Variants in PTPRC observed in about 807,000 individuals in gnomAD.
PTPRC encodes receptor-type tyrosine-protein phosphatase C.
A neutral mutation model predicts 155.9 loss-of-function variants in PTPRC; 44 were observed. The ratio of observed to expected loss-of-function variants is 0.28; its 90% CI spans 0.22 to 0.36. The LOEUF (loss-of-function observed/expected upper bound fraction) is 0.36. Ranked by LOEUF, PTPRC falls within the 10% of genes least tolerant of loss-of-function variation. The pLI is 1.00. For missense variants in PTPRC, 1,401 were observed against 1,564.6 expected (o/e 0.90, Z 1.76); for synonymous variants, 525 against 533.1 (o/e 0.98, Z 0.21).
At chr1:198,657,688 G>C (rs913948226) in intron 2 of PTPRC, 2 of 151,980 alleles carry the variant, frequency 1.3e-5, no homozygotes, top group Non-Finnish European at 2.9e-5. Context: ...GGAAATACCA[G>C]AAATCTGAAA....
chr1:198,656,149 C>T (rs577606403), intron 2 of PTPRC, among the ~76,000 whole-genome samples: 1 of 152,136 alleles, frequency 6.6e-6, no homozygotes, highest in African/African-American at 2.4e-5. Flanking sequence ...AAAATATATT[C>T]ACTATAAGTA....
rs1571892642 is a variant in PTPRC at position 198,748,339 on chromosome 1, G to A, written c.2938+140G>A. ...GTTGTTAATAGGGAAGAAGTTACTA[G>A]GTATTAAAATACTAGTTATTGCAAG... On this transcript the variant is annotated intron_variant, in intron 27 of 32. Transcript: ENST00000442510. 2.6e-6 allele frequency: 3 copies of A among 1,175,230 alleles called. No homozygotes were observed. The South Asian group carries it at 4.9e-5, about 19-fold the overall frequency. The allele number at this position is 1,175,230 out of a possible 1,614,324, so 72.8% of individuals were successfully genotyped here. A position where few individuals can be genotyped will look rare whatever the true frequency, so the allele number is the denominator to read the frequency against.
intron 26 of PTPRC, 140 bp downstream of exon 26, chr1:198,744,343 T>C: frequency 3.6e-6 from 3 of 827,710 alleles, no homozygotes; most frequent in Non-Finnish European, 2.0e-6. Flanking sequence ...ATGAGAAAAC[T>C]AGGACACAGT....
At chr1:198,693,486 T>C (rs1200612758) in intron 3 of PTPRC, among the ~76,000 whole-genome samples, 1 of 152,168 alleles carries the variant, frequency 6.6e-6, no homozygotes, top group Non-Finnish European at 1.5e-5. Context: ...AGGTATAAGG[T>C]AGAATGGGGA....
intron 2 of PTPRC, among the ~76,000 whole-genome samples, chr1:198,654,640 A>G (rs1663446426): frequency 6.6e-6 from 1 of 151,784 alleles, no homozygotes; most frequent in Admixed American, 6.6e-5. Context: ...TATATTTCCA[A>G]TGCTCCTTGC....
intron 2 of PTPRC, 79 bp downstream of exon 2, chr1:198,639,420 T>A (rs1354911426): frequency 1.7e-6 from 2 of 1,166,338 alleles, no homozygotes; most frequent in Non-Finnish European, 2.5e-6. Flanking sequence ...TAAAAATAAT[T>A]TAAATGTGTT....
intron 3 of PTPRC, 55 bp from the exon 4 acceptor site, chr1:198,696,657 A>G (rs1666216900): frequency 7.0e-7 from 1 of 1,431,952 alleles, no homozygotes; most frequent in African/African-American, 1.4e-5. Flanking sequence ...GCATACATTT[A>G]GGGTATGATT....
At chr1:198,707,497 G>A (rs1436716708) in intron 9 of PTPRC, among the ~76,000 whole-genome samples, 1 of 152,130 alleles carries the variant, frequency 6.6e-6, no homozygotes, top group East Asian at 1.9e-4. Flanking sequence ...GCATCTCTTA[G>A]CCAAATGCAT....
At chr1:198,676,260 A>AGAAT in intron 2 of PTPRC, among the ~76,000 whole-genome samples, 1 of 152,332 alleles carries the variant, frequency 6.6e-6, no homozygotes, top group South Asian at 2.1e-4. Context: ...CATAGATTCA[A>AGAAT]CATAAGCATT....
intron 15 of PTPRC, among the ~76,000 whole-genome samples, chr1:198,722,902 C>T (rs1158219813): frequency 6.6e-6 from 1 of 151,458 alleles, no homozygotes; most frequent in Non-Finnish European, 1.5e-5. Flanking sequence ...TATAAGCACT[C>T]CCTAATAACA....
intron 29 of PTPRC, 115 bp from the exon 30 acceptor site, chr1:198,752,134 T>C: frequency 8.0e-7 from 1 of 1,245,530 alleles, no homozygotes; most frequent in Non-Finnish European, 1.2e-6. Context: ...AACACAATAA[T>C]TTTCATTTAA....
intron 26 of PTPRC, among the ~76,000 whole-genome samples, chr1:198,745,298 A>G (rs1246993533): frequency 6.6e-6 from 1 of 151,860 alleles, no homozygotes; most frequent in Non-Finnish European, 1.5e-5. Context: ...AGAGGATGTG[A>G]TCCAGATCAC....
At chr1:198,705,396 TTTTC>T (rs925702300) in intron 8 of PTPRC, among the ~76,000 whole-genome samples, 6 of 151,914 alleles carry the variant, frequency 3.9e-5, no homozygotes, top group African/African-American at 9.7e-5. Flanking sequence ...TTCAGTTTTC[TTTTC>T]TTTCTTTCTT....
chr1:198,670,771 A>G (rs756234686), intron 2 of PTPRC, among the ~76,000 whole-genome samples: 1 of 152,180 alleles, frequency 6.6e-6, no homozygotes, highest in African/African-American at 2.4e-5. Context: ...GCAATTTTCA[A>G]ATATACAATA....
At position 198,729,171 on chromosome 1, in the gene PTPRC, G is replaced by GGTAA; in HGVS notation, c.1864+4_1864+7dup. The GGTAA allele has an allele frequency of 1.2e-6, 2 of 1,608,508 alleles. No homozygotes were observed. Among genetic ancestry groups the GGTAA allele is most frequent in the Non-Finnish European group, 1.7e-6 (2 of 1,177,080 alleles). On this transcript the variant is annotated frameshift_variant and splice_region_variant. Coordinates refer to ENST00000442510, the MANE Select transcript of PTPRC (RefSeq NM_002838.5). LOFTEE classifies it high-confidence loss of function. ...TGAACAGCAGGAGCTTGTTGAAAGG[G>GGTAA]GTAAGTATGTATATTTTTGCTGATG...
chr1:198,656,653 GTTTT>G (rs67367377), intron 2 of PTPRC, among the ~76,000 whole-genome samples: 1 of 141,700 alleles, frequency 7.1e-6, no homozygotes, highest in Admixed American at 7.1e-5. Context: ...TTTGTTTTTT[GTTTT>G]TTTTTTTTTT....
intron 15 of PTPRC, 41 bp from the exon 16 acceptor site, chr1:198,728,298 AT>A (rs1558026120): frequency 6.6e-7 from 1 of 1,518,114 alleles, no homozygotes; most frequent in East Asian, 2.3e-5. Flanking sequence ...CTAGCAAGTT[AT>A]TTGACAATCG....
rs570135894 is a variant in PTPRC at position 198,697,361 on chromosome 1, T to C, written c.298+452T>C. ...AAAATTGTTGAAGATAGAGAATGTA[T>C]TATTTTTAAATCCACTCTGAGAATC... On this transcript the variant is annotated intron_variant, in intron 4 of 32. Coordinates refer to ENST00000442510, the MANE Select transcript of PTPRC (RefSeq NM_002838.5). Among the ~76,000 whole-genome samples, 101 of 152,348 alleles carry C rather than the reference T, an allele frequency of 6.6e-4. 1 individual carries two copies. The highest frequency in any genetic ancestry group is 2.4e-3 in the African/African-American group (99 of 41,582).
rs376346470 is a variant in PTPRC at position 198,750,385 on chromosome 1, G to A, written c.3073-107G>A. On this transcript the variant is annotated intron_variant, in intron 28 of 32. Coordinates refer to ENST00000442510, the MANE Select transcript of PTPRC (RefSeq NM_002838.5). ...AACATAAGAATATTACTATTTGTATGTAACAGCATTGATATCAAACTGACT... is the reference window on the plus strand; with the variant it reads ...AACATAAGAATATTACTATTTGTATATAACAGCATTGATATCAAACTGACT... 2.3e-5 allele frequency: 26 copies of A among 1,154,114 alleles called. 1 individual carries two copies. In the South Asian group the frequency reaches 3.0e-4, roughly 13 times the overall value. The allele number at this position is 1,154,114 out of a possible 1,614,324, so 71.5% of individuals were successfully genotyped here.
Sources: allele counts gnomAD v4.1 joint callset (sites outside exome capture counted in the v4.1 genomes callset), GRCh38; gene constraint gnomAD v4.1.1; transcripts MANE v1.5; gene names NCBI Gene and HGNC (gene_info 2026-07-23, HGNC 2026-07-21).